Variants in SPON1 observed in about 807,000 individuals in gnomAD.
The protein encoded by SPON1 is spondin-1.
Under a neutral mutation model 111.7 loss-of-function variants are expected in SPON1, and 52 were observed. The observed-to-expected ratio is 0.47, with a 90% CI of 0.37 to 0.59. The LOEUF is 0.59. Ranked by LOEUF, SPON1 falls within the 20% of genes least tolerant of loss-of-function variation. The pLI is 0.00. For synonymous variants in SPON1, 410 were observed against 395.8 expected (o/e 1.04, Z -0.43); for missense variants, 957 against 1,068.5 (o/e 0.90, Z 1.46).
chr11:14,031,840 C>T (rs994186045), intron 2 of SPON1, among the ~76,000 whole-genome samples: 4 of 152,232 alleles, frequency 2.6e-5, no homozygotes, highest in Middle Eastern at 3.4e-3. Flanking sequence ...ACGTAGGAAA[C>T]TAGTAAGAGG....
At position 14,031,706 on chromosome 11, in the gene SPON1, A is replaced by G. The variant is rs116296341; in HGVS notation, c.346-9815A>G. Among the ~76,000 whole-genome samples the G allele has an allele frequency of 3.9e-3, 593 of 152,138 alleles. 3 individuals carry two copies. Among genetic ancestry groups the G allele is most frequent in the African/African-American group, 0.014 (579 of 41,518 alleles). ...TTCTGTCCTGGTTAACGTTTCTATG[A>G]TAAACTTACTTTTTAAATCAATAAG... On this transcript the variant is annotated intron_variant, in intron 2 of 15. Transcript: ENST00000576479.
intron 6 of SPON1, among the ~76,000 whole-genome samples, chr11:14,239,734 AC>A (rs1331589702): frequency 6.6e-6 from 1 of 152,208 alleles, no homozygotes; most frequent in African/African-American, 2.4e-5. Context: ...CAAAAACAAA[AC>A]AAAAACACAG....
chr11:14,123,159 C>T (rs1564909993), intron 5 of SPON1, among the ~76,000 whole-genome samples: 1 of 152,020 alleles, frequency 6.6e-6, no homozygotes, highest in Non-Finnish European at 1.5e-5. Flanking sequence ...TCTCAAACTC[C>T]TGTGCTCAAG....
chr11:14,089,221 G>A (rs1849030698), intron 5 of SPON1, among the ~76,000 whole-genome samples: 1 of 152,022 alleles, frequency 6.6e-6, no homozygotes, highest in Non-Finnish European at 1.5e-5. Flanking sequence ...TCTGGTTTTT[G>A]GAATTTTCAG....
chr11:14,195,193 A>G (rs142091189), intron 6 of SPON1, among the ~76,000 whole-genome samples: 131 of 152,324 alleles, frequency 8.6e-4, no homozygotes, highest in African/African-American at 3.0e-3. Context: ...CTTCTAAATT[A>G]CACTTCTATT....
intron 5 of SPON1, among the ~76,000 whole-genome samples, chr11:14,089,098 T>C (rs1481544354): frequency 6.6e-6 from 1 of 152,050 alleles, no homozygotes; most frequent in Non-Finnish European, 1.5e-5. Flanking sequence ...CAGAGGAGTT[T>C]GTTATTACTC....
At chr11:14,192,326 G>A (rs1233015255) in intron 6 of SPON1, among the ~76,000 whole-genome samples, 6 of 151,878 alleles carry the variant, frequency 4.0e-5, no homozygotes, top group African/African-American at 1.5e-4. Flanking sequence ...GGGTATGTCT[G>A]TCATTCACTG....
At chr11:14,262,365 A>G (rs1849195421) in intron 14 of SPON1, 1 of 285,094 alleles carries the variant, frequency 3.5e-6, no homozygotes, top group South Asian at 5.0e-5. Context: ...TGAGTTTGGG[A>G]CTGTGGGAAG....
At chr11:14,223,513 A>T (rs1236912244) in intron 6 of SPON1, among the ~76,000 whole-genome samples, 2 of 152,238 alleles carry the variant, frequency 1.3e-5, no homozygotes, top group Non-Finnish European at 2.9e-5. Context: ...TTCACCATAA[A>T]TGGGGTCAAT....
At chr11:14,240,903 TA>T (rs1241880148) in intron 6 of SPON1, among the ~76,000 whole-genome samples, 1 of 152,088 alleles carries the variant, frequency 6.6e-6, no homozygotes, top group Non-Finnish European at 1.5e-5. Flanking sequence ...TCCAACACTT[TA>T]AAAATCAAAA....
intron 5 of SPON1, among the ~76,000 whole-genome samples, chr11:14,111,250 T>C (rs1554925437): frequency 1.3e-5 from 2 of 152,194 alleles, no homozygotes. Context: ...GGACAAACTC[T>C]CTATATGATG....
intron 2 of SPON1, among the ~76,000 whole-genome samples, chr11:13,994,072 T>C (rs1554911500): frequency 6.6e-6 from 1 of 152,202 alleles, no homozygotes; most frequent in African/African-American, 2.4e-5. Context: ...ATCTCTACAT[T>C]AACAATAAAT....
At chr11:14,132,825 T>C (rs1847542861) in intron 5 of SPON1, among the ~76,000 whole-genome samples, 3 of 152,198 alleles carry the variant, frequency 2.0e-5, no homozygotes, top group Admixed American at 6.5e-5. Flanking sequence ...CTACCAACCA[T>C]GAAAGGAAGA....
At chr11:14,113,530 G>A (rs983452145) in intron 5 of SPON1, among the ~76,000 whole-genome samples, 1 of 140,652 alleles carries the variant, frequency 7.1e-6, no homozygotes, top group African/African-American at 2.7e-5. Flanking sequence ...CTATGTGCAG[G>A]TCTTTGGAAA....
chr11:14,218,384 C>T (rs1461336707), intron 6 of SPON1, among the ~76,000 whole-genome samples: 5 of 152,152 alleles, frequency 3.3e-5, no homozygotes, highest in African/African-American at 1.2e-4. Context: ...GAATGCAGCT[C>T]CAGCACCTGG....
At chr11:14,106,692 G>A (rs925888707) in intron 5 of SPON1, among the ~76,000 whole-genome samples, 3 of 152,276 alleles carry the variant, frequency 2.0e-5, no homozygotes, top group East Asian at 1.9e-4. Flanking sequence ...ATAGGAAATC[G>A]CAGCATAGGC....
At chr11:13,982,250 C>T (rs567897273) in intron 1 of SPON1, among the ~76,000 whole-genome samples, 36 of 152,196 alleles carry the variant, frequency 2.4e-4, no homozygotes, top group African/African-American at 7.9e-4. Flanking sequence ...TGATTTCAGG[C>T]ATCCATTTGG....
intron 3 of SPON1, among the ~76,000 whole-genome samples, chr11:14,063,518 C>T (rs762580228): frequency 2.0e-5 from 3 of 152,022 alleles, no homozygotes; most frequent in Non-Finnish European, 4.4e-5. Context: ...AGATCATGTC[C>T]GGATTTTGTA....
intron 6 of SPON1, among the ~76,000 whole-genome samples, chr11:14,230,198 A>C (rs781860672): frequency 2.6e-5 from 4 of 152,188 alleles, no homozygotes; most frequent in African/African-American, 4.8e-5. Context: ...TTTGATACTA[A>C]TGTGCTGAAC....
Sources: allele counts gnomAD v4.1 joint callset (sites outside exome capture counted in the v4.1 genomes callset), GRCh38; gene constraint gnomAD v4.1.1; transcripts MANE v1.5; gene names NCBI Gene and HGNC (gene_info 2026-07-23, HGNC 2026-07-21).